Variants in ROBO2 observed in about 807,000 individuals in gnomAD.
ROBO2 encodes roundabout guidance receptor 2, also known as roundabout homolog 2.
In ROBO2, 53 loss-of-function variants were observed where a neutral mutation model predicts 160.8. The observed-to-expected ratio is 0.33, with a 90% CI of 0.26 to 0.41. The LOEUF is 0.41. Ranked by LOEUF, ROBO2 falls within the 10% of genes least tolerant of loss-of-function variation. The pLI is 1.00. For missense variants in ROBO2, 1,577 were observed against 1,722.4 expected, an observed-to-expected ratio of 0.92 and a Z score of 1.49; for synonymous variants, 664 against 611.7, an observed-to-expected ratio of 1.09 and a Z score of -1.26.
At chr3:76,809,547 CTGGATGCA>C (rs984393546) in intron 2 of ROBO2, among the ~76,000 whole-genome samples, 3 of 152,076 alleles carry the variant, frequency 2.0e-5, no homozygotes, top group Non-Finnish European at 4.4e-5. Context: ...CCAATTCCAC[CTGGATGCA>C]AGAGGAAGAG....
At chr3:77,521,261 A>C (rs1248068182) in intron 5 of ROBO2, among the ~76,000 whole-genome samples, 3 of 151,228 alleles carry the variant, frequency 2.0e-5, no homozygotes. Context: ...CCATGAATAC[A>C]ACTCTGGCCA....
At chr3:77,123,127 C>T (rs1560056977) in intron 2 of ROBO2, among the ~76,000 whole-genome samples, 1 of 152,108 alleles carries the variant, frequency 6.6e-6, no homozygotes. Flanking sequence ...AATATTTCCA[C>T]AACAATGTTA....
chr3:77,307,958 A>C (rs907011031), intron 2 of ROBO2, among the ~76,000 whole-genome samples: 1 of 152,122 alleles, frequency 6.6e-6, no homozygotes, highest in Non-Finnish European at 1.5e-5. Context: ...ACTTGTCTCA[A>C]AAAAAGAAAA....
chr3:75,980,346 A>C (rs998390606), intron 2 of ROBO2, among the ~76,000 whole-genome samples: 2 of 151,592 alleles, frequency 1.3e-5, no homozygotes, highest in Non-Finnish European at 3.0e-5. Context: ...ACAATCACTT[A>C]TTCCATTAAT....
chr3:76,149,058 A>T (rs564836292), intron 2 of ROBO2, among the ~76,000 whole-genome samples: 1 of 152,020 alleles, frequency 6.6e-6, no homozygotes, highest in African/African-American at 2.4e-5. Context: ...TCTCGTCTCT[A>T]TAAGTGGCAT....
chr3:76,830,811 TAAAA>T (rs10666160), intron 2 of ROBO2, among the ~76,000 whole-genome samples: 1 of 132,556 alleles, frequency 7.5e-6, no homozygotes, highest in Non-Finnish European at 1.6e-5. Context: ...ACCTCATTTC[TAAAA>T]AAAAAAAAAA....
chr3:77,360,551 T>C (rs1427935298), intron 2 of ROBO2, among the ~76,000 whole-genome samples: 1 of 152,122 alleles, frequency 6.6e-6, no homozygotes, highest in Non-Finnish European at 1.5e-5. Context: ...TAAATTTCTT[T>C]GTGTTGGTTT....
At chr3:75,957,233 C>T (rs535515318) in intron 2 of ROBO2, among the ~76,000 whole-genome samples, 8 of 96,912 alleles carry the variant, frequency 8.3e-5, no homozygotes, top group South Asian at 4.7e-4. Flanking sequence ...AAAACACACA[C>T]GCACACACAC....
chr3:76,206,586 C>T (rs1312093136), intron 2 of ROBO2, among the ~76,000 whole-genome samples: 1 of 152,102 alleles, frequency 6.6e-6, no homozygotes, highest in Non-Finnish European at 1.5e-5. Context: ...CTGGGTCCAA[C>T]GTGCATATAG....
intron 2 of ROBO2, among the ~76,000 whole-genome samples, chr3:76,941,176 G>T (rs565906465): frequency 6.6e-6 from 1 of 151,874 alleles, no homozygotes; most frequent in African/African-American, 2.4e-5. Flanking sequence ...TTTTTTGATG[G>T]ATTCTTTCAT....
chr3:76,780,383 T>C (rs1239084375), intron 2 of ROBO2, among the ~76,000 whole-genome samples: 1 of 150,914 alleles, frequency 6.6e-6, no homozygotes, highest in African/African-American at 2.4e-5. Context: ...TAGGTTGCTT[T>C]TTCATCTTGT....
intron 2 of ROBO2, among the ~76,000 whole-genome samples, chr3:77,453,911 C>T (rs1243680048): frequency 6.6e-6 from 1 of 152,074 alleles, no homozygotes; most frequent in Non-Finnish European, 1.5e-5. Flanking sequence ...GAAGAAAGAT[C>T]ATTAGAAGAT....
At chr3:76,822,092 G>A (rs925228064) in intron 2 of ROBO2, among the ~76,000 whole-genome samples, 5 of 151,924 alleles carry the variant, frequency 3.3e-5, no homozygotes, top group Admixed American at 2.6e-4. Flanking sequence ...CATCTTTAAA[G>A]TCTTTATGAC....
chr3:76,947,883 G>A (rs2078669525), intron 2 of ROBO2, among the ~76,000 whole-genome samples: 1 of 152,080 alleles, frequency 6.6e-6, no homozygotes, highest in African/African-American at 2.4e-5. Flanking sequence ...CCCAAGATTA[G>A]AAATTATTCT....
At chr3:76,837,613 TGCTTGTTTTG>T (rs2067823146) in intron 2 of ROBO2, among the ~76,000 whole-genome samples, 1 of 151,896 alleles carries the variant, frequency 6.6e-6, no homozygotes, top group African/African-American at 2.4e-5. Context: ...CATTTTATTA[TGCTTGTTTTG>T]GCATCCTCTA....
chr3:76,149,904 AAC>A (rs1385904779), intron 2 of ROBO2, among the ~76,000 whole-genome samples: 10 of 137,356 alleles, frequency 7.3e-5, no homozygotes, highest in African/African-American at 1.5e-4. Context: ...ATCTGTCTAA[AAC>A]ACACATCTGT....
At chr3:76,972,853 A>G (rs2149289605) in intron 2 of ROBO2, among the ~76,000 whole-genome samples, 1 of 152,292 alleles carries the variant, frequency 6.6e-6, no homozygotes, top group Non-Finnish European at 1.5e-5. Context: ...ACATAAATAA[A>G]TACATACACA....
intron 2 of ROBO2, among the ~76,000 whole-genome samples, chr3:76,083,225 A>G (rs1206412177): frequency 1.3e-5 from 2 of 152,160 alleles, no homozygotes; most frequent in Non-Finnish European, 2.9e-5. Flanking sequence ...AGGTAGAGAT[A>G]TATAAATCAT....
intron 2 of ROBO2, among the ~76,000 whole-genome samples, chr3:76,328,904 G>GGTA: frequency 4.7e-5 from 4 of 84,438 alleles, no homozygotes; most frequent in East Asian, 4.4e-4. Flanking sequence ...ATATATTTAT[G>GGTA]TTATTATATA....
Sources: gnomAD v4.1 joint callset for allele counts (sites outside exome capture counted in the v4.1 genomes callset) on GRCh38, gnomAD v4.1.1 for gene constraint, MANE v1.5 for transcripts, NCBI Gene and HGNC (gene_info 2026-07-23, HGNC 2026-07-21) for gene names.